Variants in CCNF observed in about 807,000 individuals in gnomAD.
The protein encoded by CCNF is cyclin-F.
In CCNF, 30 loss-of-function variants were observed where a neutral mutation model predicts 85.4. That is an observed-to-expected ratio of 0.35 (90% CI 0.26 to 0.48). The LOEUF is 0.48. Among genes scored for constraint, CCNF ranks in the 20% least tolerant of loss-of-function variants. The probability of loss-of-function intolerance (pLI) is 0.99; values close to 1 mark genes in which losing one functional copy is unlikely to be tolerated. For missense variants in CCNF, 919 were observed against 1,010.4 expected (o/e 0.91, Z 1.23); for synonymous variants, 439 against 425.1 (o/e 1.03, Z -0.40).
chr16:2,457,244 GC>G lies in CCNF; in HGVS notation c.*226del, dbSNP rs2065434738. 1 of 491,738 alleles carries G rather than the reference GC, an allele frequency of 2.0e-6. No homozygotes were observed. Among genetic ancestry groups the G allele is most frequent in the African/African-American group, 1.9e-5 (1 of 51,662 alleles). 30.5% of individuals were successfully genotyped at this position (491,738 alleles called of 1,614,324 possible). On this transcript the variant is annotated 3_prime_UTR_variant, in exon 17 of 17. Transcript: ENST00000397066. Reference sequence around the variant, plus strand: ...CAGATCCCTCTCTTTGGAAAGTTTAGCCTGGAAGCAGTTGGCCACACTGTGT... The same window carrying G: ...CAGATCCCTCTCTTTGGAAAGTTTAGCTGGAAGCAGTTGGCCACACTGTGT...
In CCNF at chr16:2,457,781, G is replaced by A. The variant is rs900277609; in HGVS notation, c.*761G>A. On this transcript the variant is annotated 3_prime_UTR_variant, in exon 17 of 17. Transcript: ENST00000397066. The stretch of plus-strand genomic sequence containing the variant: ...GAAAACAAAAGAAAAACTTAAAACA[G>A]AAGGTATTAAAAAAACAAGAGATTC... 6.6e-6 allele frequency: 1 copy of A among 152,150 alleles called. No individual in the cohort carries two copies. The highest frequency in any genetic ancestry group is 2.4e-5 in the African/African-American group (1 of 41,428). The allele number at this position is 152,150 out of a possible 1,614,324, so 9.4% of individuals were successfully genotyped here. A position where few individuals can be genotyped will look rare whatever the true frequency, so the allele number is the denominator to read the frequency against.
At position 2,456,183 on chromosome 16, in the gene CCNF, G is replaced by C; in HGVS notation, c.1886-362G>C. ...TTTGAGGTGTGCCCACGTGGTATAC[G>C]TGACACTCCTCACTGCCCTGCTGGG... On this transcript the variant is annotated intron_variant, in intron 16 of 16. Transcript: ENST00000397066. This position sits in a 1 kb window ranked among gnomAD's most constrained non-coding sequence, Gnocchi z 4.5. The C allele has an allele frequency of 4.4e-6, 1 of 225,352 alleles. No individual in the cohort carries two copies. The highest frequency in any genetic ancestry group is 8.7e-6 in the Non-Finnish European group (1 of 114,660). The allele number at this position is 225,352 out of a possible 1,614,324, so 14.0% of individuals were successfully genotyped here. A position where few individuals can be genotyped will look rare whatever the true frequency, so the allele number is the denominator to read the frequency against.
intron 9 of CCNF, among the ~76,000 whole-genome samples, chr16:2,445,196 C>T (rs575426572): frequency 9.2e-5 from 14 of 152,266 alleles, no homozygotes; most frequent in South Asian, 4.1e-4. Flanking sequence ...TTTCACTTTG[C>T]GTCAGGTCGA....
intron 1 of CCNF, 65 bp downstream of exon 1, chr16:2,429,562 A>T: frequency 8.2e-7 from 1 of 1,217,662 alleles, no homozygotes; most frequent in Non-Finnish European, 1.0e-6. Flanking sequence ...TGCGGGGCGG[A>T]CGGTGGGTCC....
Position 2,456,646 on chromosome 16 carries a change from A to G in CCNF, c.1987A>G (p.Lys663Glu). 1.2e-6 allele frequency: 2 copies of G among 1,613,098 alleles called. No homozygotes were observed. Among genetic ancestry groups the G allele is most frequent in the Non-Finnish European group, 1.7e-6 (2 of 1,179,680 alleles). The part of the protein sequence containing the change: ...SSDEEACPED[K>E]GPQDPQALAL... ...TGATGAGGAGGCTTGTCCAGAGGAC[A>G]AGGGACCCCAGGACCCACAGGCACT... Residue 663 changes from lysine to glutamate, a missense_variant, in exon 17 of 17, where the codon AAG becomes GAG. Transcript: ENST00000397066. The surrounding 1 kb of genome is among the most constrained non-coding windows in gnomAD (Gnocchi z 4.5).
At chr16:2,429,614 G>A (rs2065252545) in intron 1 of CCNF, 117 bp downstream of exon 1, 8 of 1,039,062 alleles carry the variant, frequency 7.7e-6, no homozygotes, top group Non-Finnish European at 8.6e-6. Context: ...GGGCTGGCTC[G>A]AGCTCTTTAA....
intron 8 of CCNF, among the ~76,000 whole-genome samples, chr16:2,443,004 T>C (rs1455303621): frequency 1.0e-4 from 12 of 114,564 alleles, no homozygotes; most frequent in African/African-American, 3.8e-4. Context: ...AATTATATAT[T>C]ATATAATTAT....
At position 2,455,382 on chromosome 16, in the gene CCNF, C is replaced by T. The variant is rs376492968; in HGVS notation, c.1716-13C>T. ...TCCATGACTGGGTCTCCTGGGCTCT[C>T]TCCACCTTGCAGGAAGCGGGAGAAC... On this transcript the variant is annotated splice_polypyrimidine_tract_variant and intron_variant, in intron 15 of 16. Coordinates refer to ENST00000397066, the MANE Select transcript of CCNF (RefSeq NM_001761.3). The T allele has an allele frequency of 6.4e-6, 10 of 1,572,184 alleles. No homozygotes were observed. In the African/African-American group the frequency reaches 1.1e-4, roughly 17 times the overall value.
rs987094067 is a variant in CCNF, at chr16:2,451,228, G to A, written c.1487+1313G>A. On this transcript the variant is annotated intron_variant, in intron 13 of 16. Coordinates refer to ENST00000397066, the MANE Select transcript of CCNF (RefSeq NM_001761.3). The surrounding 1 kb of genome is among the most constrained non-coding windows in gnomAD (Gnocchi z 4.3). ...CGAGAGAAACAGCAGGCAGGCGCGC[G>A]GGGCAGGTGGCGCGGGCGGGGGCGA... Among the ~76,000 whole-genome samples the A allele has an allele frequency of 3.9e-5, 6 of 152,316 alleles. No individual in the cohort carries two copies. Among genetic ancestry groups the A allele is most frequent in the Middle Eastern group, 6.8e-3 (2 of 294 alleles).
At chr16:2,454,058 G>A (rs541818713) in intron 15 of CCNF, among the ~76,000 whole-genome samples, 7 of 152,260 alleles carry the variant, frequency 4.6e-5, no homozygotes, top group Non-Finnish European at 8.8e-5. Flanking sequence ...ACAAGGCCCC[G>A]ATGAACAGGG....
chr16:2,430,588 A>G (rs2065257493), intron 1 of CCNF, among the ~76,000 whole-genome samples: 1 of 152,130 alleles, frequency 6.6e-6, no homozygotes, highest in South Asian at 2.1e-4. Flanking sequence ...GACTCTGCAG[A>G]GCTGAGACTT....
rs2065382406 is a variant in CCNF, at chr16:2,449,604, G to T, written c.1399+142G>T. 4 of 859,550 alleles carry T rather than the reference G, an allele frequency of 4.7e-6. No homozygotes were observed. In the Admixed American group the frequency reaches 1.1e-4, roughly 24 times the overall value. 53.2% of individuals were successfully genotyped at this position (859,550 alleles called of 1,614,324 possible). ...AGATACAGCACGGCTCCTACCTTCA[G>T]TGATGTCCCAGATTTCTGACCATGA... On this transcript the variant is annotated intron_variant, in intron 12 of 16. Transcript: ENST00000397066.
rs934436330 is a variant in CCNF, at chr16:2,452,296, C to T, written c.1488-914C>T. ...ATGCTGTGCTCCAGCCACAGGGGACCTGGTGGCATCTCCCGGGCTTTGGCA... is the reference window on the plus strand; with the variant it reads ...ATGCTGTGCTCCAGCCACAGGGGACTTGGTGGCATCTCCCGGGCTTTGGCA... On this transcript the variant is annotated intron_variant, in intron 13 of 16. Coordinates refer to ENST00000397066, the MANE Select transcript of CCNF (RefSeq NM_001761.3). The surrounding 1 kb of genome is among the most constrained non-coding windows in gnomAD (Gnocchi z 4.1). 4.6e-5 allele frequency among the ~76,000 whole-genome samples: 7 copies of T among 152,226 alleles called. No homozygotes were observed. The highest frequency in any genetic ancestry group is 1.7e-4 in the African/African-American group (7 of 41,458).
chr16:2,453,015 C>G lies in CCNF; in HGVS notation c.1488-195C>G, dbSNP rs879762003. On this transcript the variant is annotated intron_variant, in intron 13 of 16. Coordinates refer to ENST00000397066, the MANE Select transcript of CCNF (RefSeq NM_001761.3). The surrounding 1 kb of genome is among the most constrained non-coding windows in gnomAD (Gnocchi z 5.6). ...AGGTTTCTGTGTGGACATAGTTTTT[C>G]CTTTTTCCTGGGTCTTTACCTAGAG... 3 of 604,168 alleles carry G rather than the reference C, an allele frequency of 5.0e-6. No individual in the cohort carries two copies. Among genetic ancestry groups the G allele is most frequent in the Non-Finnish European group, 5.9e-6 (2 of 338,348 alleles). The allele number at this position is 604,168 out of a possible 1,614,324, so 37.4% of individuals were successfully genotyped here. A position where few individuals can be genotyped will look rare whatever the true frequency, so the allele number is the denominator to read the frequency against.
Position 2,439,355 on chromosome 16 carries a change from T to A in CCNF, c.597T>A (p.Asp199Glu), listed in dbSNP as rs1248989504. 4.4e-6 allele frequency: 7 copies of A among 1,601,768 alleles called. No homozygotes were observed. Among genetic ancestry groups the A allele is most frequent in the Non-Finnish European group, 6.0e-6 (7 of 1,173,336 alleles). The change falls in exon 7 of 17, where the codon GAT becomes GAA. Residue 199 changes from aspartate (D) to glutamate (E), a missense_variant and splice_region_variant. This residue lies in a region of CCNF where 410 missense variants were observed against 478.6 expected (regional missense o/e 0.86). Coordinates refer to ENST00000397066, the MANE Select transcript of CCNF (RefSeq NM_001761.3). ...CLGRVLSLFE[D>E]EEKQQQAHDL... The stretch of plus-strand genomic sequence containing the variant: ...AACTCTGCTGGGATTTATTCTAGGA[T>A]GAGGAGAAGCAGCAGCAGGCCCATG...
At chr16:2,435,245 G>A (rs1278990474) in intron 3 of CCNF, among the ~76,000 whole-genome samples, 3 of 112,272 alleles carry the variant, frequency 2.7e-5, no homozygotes, top group South Asian at 2.9e-4. Context: ...AGCAGACTCC[G>A]TCTCAAAAAA....
chr16:2,450,436 G>A (rs1286737225), intron 13 of CCNF, among the ~76,000 whole-genome samples: 2 of 150,816 alleles, frequency 1.3e-5, no homozygotes, highest in African/African-American at 2.4e-5. Flanking sequence ...ACTTGAACCC[G>A]GGAGGCAGAG....
chr16:2,447,574 ACT>A (rs1269129703), intron 10 of CCNF, among the ~76,000 whole-genome samples: 4 of 151,706 alleles, frequency 2.6e-5, no homozygotes, highest in African/African-American at 9.7e-5. Context: ...ATGGCGCAAG[ACT>A]CTGTCTCAAA....
intron 9 of CCNF, among the ~76,000 whole-genome samples, chr16:2,444,564 T>C (rs2065351217): frequency 6.6e-6 from 1 of 150,606 alleles, no homozygotes; most frequent in African/African-American, 2.4e-5. Flanking sequence ...CCTCCCAAAG[T>C]GCTGGGATTA....
Sources: allele counts gnomAD v4.1 joint callset (sites outside exome capture counted in the v4.1 genomes callset), GRCh38; gene constraint gnomAD v4.1.1; regional missense constraint gnomAD v4.1.1; non-coding constraint Gnocchi (gnomAD v3.1); transcripts MANE v1.5; gene names NCBI Gene and HGNC (gene_info 2026-07-23, HGNC 2026-07-21).